The following NALF1 variants were observed in gnomAD, a reference collection of about 807,000 sequenced individuals.
The protein encoded by NALF1 is family with sequence similarity 155 member A.
A neutral mutation model predicts 48.4 loss-of-function variants in NALF1; 3 were observed. The ratio of observed to expected loss-of-function variants is 0.06; its 90% CI spans 0.03 to 0.16. The LOEUF (loss-of-function observed/expected upper bound fraction) is 0.16. Among genes scored for constraint, NALF1 ranks in the 10% least tolerant of loss-of-function variants. The pLI is 1.00. For missense variants in NALF1, 526 were observed against 571.5 expected, an observed-to-expected ratio of 0.92 and a Z score of 0.81; for synonymous variants, 262 against 245.7, an observed-to-expected ratio of 1.07 and a Z score of -0.62.
chr13:107,560,505 ATTTTAT>A (rs1305154005), intron 1 of NALF1, among the ~76,000 whole-genome samples: 4 of 152,040 alleles, frequency 2.6e-5, no homozygotes, highest in Non-Finnish European at 4.4e-5. Flanking sequence ...GTACTTTAAA[ATTTTAT>A]TTTTCATTTA....
chr13:107,202,759 G>T (rs558622493), intron 2 of NALF1, among the ~76,000 whole-genome samples: 2 of 152,154 alleles, frequency 1.3e-5, no homozygotes, highest in African/African-American at 4.8e-5. Flanking sequence ...GGCTGTGGGC[G>T]TGATCACCTT....
At chr13:107,351,537 A>G (rs943864522) in intron 1 of NALF1, among the ~76,000 whole-genome samples, 3 of 152,162 alleles carry the variant, frequency 2.0e-5, no homozygotes, top group Non-Finnish European at 2.9e-5. Flanking sequence ...CAGTAACAGC[A>G]TCTCCACCAA....
At chr13:107,579,685 T>TTTA (rs1231672363) in intron 1 of NALF1, among the ~76,000 whole-genome samples, 6 of 152,176 alleles carry the variant, frequency 3.9e-5, no homozygotes, top group South Asian at 2.1e-4. Flanking sequence ...ATTTTTTTTT[T>TTTA]ATTATACTTT....
chr13:107,363,587 G>C (rs1883102429), intron 1 of NALF1, among the ~76,000 whole-genome samples: 1 of 152,156 alleles, frequency 6.6e-6, no homozygotes, highest in Non-Finnish European at 1.5e-5. Flanking sequence ...TGATGAAACA[G>C]TGAATGGACT....
intron 1 of NALF1, among the ~76,000 whole-genome samples, chr13:107,802,370 T>C (rs1173530313): frequency 6.6e-6 from 1 of 152,168 alleles, no homozygotes; most frequent in Non-Finnish European, 1.5e-5. Flanking sequence ...TTTACAGCCT[T>C]TAATTTACTT....
chr13:107,407,879 A>C (rs962101745), intron 1 of NALF1, among the ~76,000 whole-genome samples: 27 of 152,150 alleles, frequency 1.8e-4, no homozygotes, highest in Non-Finnish European at 2.9e-4. Flanking sequence ...ATGGATAAAG[A>C]AAATGTGGTA....
chr13:107,851,976 T>A (rs1880332031), intron 1 of NALF1, among the ~76,000 whole-genome samples: 1 of 151,404 alleles, frequency 6.6e-6, no homozygotes, highest in African/African-American at 2.4e-5. Context: ...CCGGCTATTT[T>A]TTTTTTTAAT....
chr13:107,185,787 A>C (rs1191112981), intron 2 of NALF1, among the ~76,000 whole-genome samples: 3 of 152,150 alleles, frequency 2.0e-5, no homozygotes, highest in African/African-American at 7.2e-5. Context: ...TTCCAGATTC[A>C]CAATCTCCTT....
chr13:107,251,484 G>A (rs1480342525), intron 1 of NALF1, among the ~76,000 whole-genome samples: 1 of 152,154 alleles, frequency 6.6e-6, no homozygotes, highest in Non-Finnish European at 1.5e-5. Context: ...TGCTGCCTTC[G>A]CCAGTGATGA....
intron 1 of NALF1, among the ~76,000 whole-genome samples, chr13:107,777,850 A>G (rs1877782449): frequency 6.6e-6 from 1 of 152,206 alleles, no homozygotes; most frequent in Admixed American, 6.5e-5. Context: ...AGGGGAAAAA[A>G]GCTTTCAAAG....
At chr13:107,775,771 C>T (rs1002650662) in intron 1 of NALF1, among the ~76,000 whole-genome samples, 1 of 152,136 alleles carries the variant, frequency 6.6e-6, no homozygotes, top group African/African-American at 2.4e-5. Flanking sequence ...TTAATGATTG[C>T]CATTTATTTC....
intron 1 of NALF1, among the ~76,000 whole-genome samples, chr13:107,477,589 G>C (rs1885192498): frequency 6.6e-6 from 1 of 151,934 alleles, no homozygotes; most frequent in Non-Finnish European, 1.5e-5. Flanking sequence ...AATAAACTGA[G>C]CTTTGCTTGA....
chr13:107,816,985 T>G (rs773797713), intron 1 of NALF1, among the ~76,000 whole-genome samples: 1 of 152,242 alleles, frequency 6.6e-6, no homozygotes, highest in East Asian at 1.9e-4. Context: ...GAATTTAATA[T>G]AAATGTAGGG....
intron 1 of NALF1, among the ~76,000 whole-genome samples, chr13:107,690,055 C>T (rs4771575): frequency 0.99 from 151,116 of 152,364 alleles, 74,949 homozygotes; most frequent in East Asian, 1. Flanking sequence ...TAAATTTAGC[C>T]GATTTAACAC....
intron 1 of NALF1, among the ~76,000 whole-genome samples, chr13:107,429,714 C>T (rs1432380106): frequency 1.3e-5 from 2 of 151,750 alleles, no homozygotes; most frequent in Non-Finnish European, 2.9e-5. Context: ...TGATAAAGAC[C>T]GAATCAAAAT....
chr13:107,842,770 C>A (rs1378722992), intron 1 of NALF1, among the ~76,000 whole-genome samples: 2 of 152,150 alleles, frequency 1.3e-5, no homozygotes, highest in South Asian at 2.1e-4. Flanking sequence ...CAGCTCTCAA[C>A]TTCCTAGGTT....
At chr13:107,276,405 A>T (rs1454378719) in intron 1 of NALF1, among the ~76,000 whole-genome samples, 5 of 152,208 alleles carry the variant, frequency 3.3e-5, no homozygotes, top group Non-Finnish European at 7.4e-5. Flanking sequence ...CTTCCCACAG[A>T]ACATGTCCCA....
chr13:107,382,311 G>A (rs920277358), intron 1 of NALF1, among the ~76,000 whole-genome samples: 1 of 152,136 alleles, frequency 6.6e-6, no homozygotes, highest in Non-Finnish European at 1.5e-5. Context: ...TGTTTGAATA[G>A]TTATATAAAC....
chr13:107,684,445 T>C (rs945882973), intron 1 of NALF1, among the ~76,000 whole-genome samples: 2 of 152,136 alleles, frequency 1.3e-5, no homozygotes, highest in Non-Finnish European at 2.9e-5. Context: ...TACTGTAATA[T>C]TAACATGATC....
Sources: allele counts gnomAD v4.1 joint callset (sites outside exome capture counted in the v4.1 genomes callset), GRCh38; gene constraint gnomAD v4.1.1; transcripts MANE v1.5; gene names NCBI Gene and HGNC (gene_info 2026-07-23, HGNC 2026-07-21).